The following ZNF385D variants were observed in gnomAD, a reference collection of about 807,000 sequenced individuals.
ZNF385D encodes the protein zinc finger protein 385D.
Under a neutral mutation model 35.8 loss-of-function variants are expected in ZNF385D, and 15 were observed. The ratio of observed to expected loss-of-function variants is 0.42; its 90% CI spans 0.28 to 0.64. The LOEUF is 0.64. Ranked by LOEUF, ZNF385D falls within the 30% of genes least tolerant of loss-of-function variation. ZNF385D has a pLI of 0.23. For synonymous variants in ZNF385D, 212 were observed against 186.8 expected (o/e 1.13, Z -1.10); for missense variants, 474 against 494.6 (o/e 0.96, Z 0.39).
At chr3:22,086,286 T>C (rs943235002) in intron 3 of ZNF385D, among the ~76,000 whole-genome samples, 17 of 152,230 alleles carry the variant, frequency 1.1e-4, no homozygotes, top group Admixed American at 7.9e-4. Flanking sequence ...GATGACATGA[T>C]TGTATATTTA....
intron 3 of ZNF385D, among the ~76,000 whole-genome samples, chr3:21,919,330 A>G (rs1226518400): frequency 6.6e-6 from 1 of 152,212 alleles, no homozygotes; most frequent in East Asian, 1.9e-4. Context: ...TGCAAACACA[A>G]TGACAATTAT....
chr3:21,523,823 C>T (rs1349214864), intron 3 of ZNF385D, among the ~76,000 whole-genome samples: 1 of 151,618 alleles, frequency 6.6e-6, no homozygotes, highest in Non-Finnish European at 1.5e-5. Flanking sequence ...TGTATGACAT[C>T]ACTCTGGCAG....
At chr3:22,140,378 A>G (rs1482173291) in intron 3 of ZNF385D, among the ~76,000 whole-genome samples, 2 of 152,186 alleles carry the variant, frequency 1.3e-5, no homozygotes, top group Non-Finnish European at 2.9e-5. Flanking sequence ...AAATGACAAA[A>G]TTATAGCAAT....
At chr3:21,761,276 A>C (rs1014812959) in intron 3 of ZNF385D, among the ~76,000 whole-genome samples, 1 of 152,238 alleles carries the variant, frequency 6.6e-6, no homozygotes, top group Non-Finnish European at 1.5e-5. Flanking sequence ...AGCAACTCCC[A>C]AATTCCCAAC....
intron 4 of ZNF385D, among the ~76,000 whole-genome samples, chr3:21,493,484 C>A (rs879400330): frequency 6.6e-6 from 1 of 152,026 alleles, no homozygotes; most frequent in Non-Finnish European, 1.5e-5. Flanking sequence ...GAAATTGACA[C>A]CTTTGTATGA....
At chr3:22,237,301 C>CAG (rs1699241589) in intron 2 of ZNF385D, among the ~76,000 whole-genome samples, 1 of 152,062 alleles carries the variant, frequency 6.6e-6, no homozygotes, top group Non-Finnish European at 1.5e-5. Flanking sequence ...TTTCATGTGC[C>CAG]TACTGGCTAT....
chr3:21,436,912 A>C (rs986038030), intron 5 of ZNF385D, 58 bp downstream of exon 5: 1 of 1,515,124 alleles, frequency 6.6e-7, no homozygotes, highest in Non-Finnish European at 9.1e-7. Flanking sequence ...GATCTAATCT[A>C]TTCAGAGGAA....
chr3:21,640,523 G>A (rs1008052593), intron 2 of ZNF385D, among the ~76,000 whole-genome samples: 1 of 152,082 alleles, frequency 6.6e-6, no homozygotes, highest in South Asian at 2.1e-4. Flanking sequence ...CAATCAGGAG[G>A]GTGGAGCCCC....
At chr3:22,319,583 A>T (rs1352643403) in intron 2 of ZNF385D, among the ~76,000 whole-genome samples, 1 of 152,186 alleles carries the variant, frequency 6.6e-6, no homozygotes, top group Non-Finnish European at 1.5e-5. Context: ...ATACAGAGCT[A>T]GCAATAGCAG....
At chr3:22,049,632 G>A (rs1169552103) in intron 3 of ZNF385D, among the ~76,000 whole-genome samples, 3 of 152,096 alleles carry the variant, frequency 2.0e-5, no homozygotes, top group African/African-American at 4.8e-5. Flanking sequence ...TTAGTTTGAT[G>A]TTATTAATAC....
chr3:22,247,460 A>G (rs1699845077), intron 2 of ZNF385D, among the ~76,000 whole-genome samples: 7 of 152,044 alleles, frequency 4.6e-5, no homozygotes, highest in Admixed American at 3.3e-4. Flanking sequence ...CATGAAAATT[A>G]TGAGATCTTA....
chr3:21,454,819 T>A (rs1425520364), intron 4 of ZNF385D, among the ~76,000 whole-genome samples: 1 of 152,172 alleles, frequency 6.6e-6, no homozygotes, highest in Non-Finnish European at 1.5e-5. Context: ...GCAGATGACA[T>A]GATTGTATAT....
intron 3 of ZNF385D, among the ~76,000 whole-genome samples, chr3:21,999,166 T>C (rs1695678004): frequency 6.6e-6 from 1 of 152,232 alleles, no homozygotes; most frequent in South Asian, 2.1e-4. Context: ...TCTGAGGTTC[T>C]GTTGTTTTTA....
intron 3 of ZNF385D, among the ~76,000 whole-genome samples, chr3:22,128,221 G>T (rs914136428): frequency 6.6e-6 from 1 of 152,148 alleles, no homozygotes; most frequent in Non-Finnish European, 1.5e-5. Context: ...CTCCTAACCT[G>T]TAAGGTTTGC....
chr3:21,506,873 T>C (rs1234697703), intron 4 of ZNF385D, among the ~76,000 whole-genome samples: 1 of 152,168 alleles, frequency 6.6e-6, no homozygotes, highest in African/African-American at 2.4e-5. Context: ...TGCCTTGAGA[T>C]AGATGAACTA....
At chr3:22,018,353 T>A (rs1240287140) in intron 3 of ZNF385D, among the ~76,000 whole-genome samples, 1 of 151,852 alleles carries the variant, frequency 6.6e-6, no homozygotes, top group Non-Finnish European at 1.5e-5. Flanking sequence ...CATTCTCAAC[T>A]CCATTTCTAT....
rs149211523 is a variant in ZNF385D at position 22,290,871 on chromosome 3, G to A, written c.106+81579C>T. On this transcript the variant is annotated intron_variant, in intron 2 of 5. Coordinates refer to the ZNF385D transcript ENST00000494108. Reference sequence around the variant, plus strand: ...ACATGCGGGGGCTTTTAATGGCTCTGTAGTATCCATTTGCCAAGATTTCCT... The same window carrying A: ...ACATGCGGGGGCTTTTAATGGCTCTATAGTATCCATTTGCCAAGATTTCCT... Among the ~76,000 whole-genome samples, 936 of 152,206 alleles carry A rather than the reference G, an allele frequency of 6.1e-3. 18 individuals carry two copies. The highest frequency in any genetic ancestry group is 0.047 in the South Asian group (227 of 4,822).
intron 3 of ZNF385D, among the ~76,000 whole-genome samples, chr3:22,103,009 AG>A (rs562442727): frequency 1.1e-3 from 161 of 150,794 alleles, no homozygotes; most frequent in African/African-American, 3.6e-3. Context: ...TATATATATA[AG>A]TGAATAAATT....
chr3:22,233,064 A>G (rs1185839168), intron 2 of ZNF385D, among the ~76,000 whole-genome samples: 1 of 152,090 alleles, frequency 6.6e-6, no homozygotes, highest in Non-Finnish European at 1.5e-5. Flanking sequence ...TGCCCTGGGA[A>G]ATTTTTACTA....
Sources: allele counts gnomAD v4.1 joint callset (sites outside exome capture counted in the v4.1 genomes callset), GRCh38; gene constraint gnomAD v4.1.1; transcripts MANE v1.5; gene names NCBI Gene and HGNC (gene_info 2026-07-23, HGNC 2026-07-21).